ITPK1: variants seen among roughly 807,000 people sequenced by gnomAD.
The protein encoded by ITPK1 is inositol 1,3,4-trisphosphate 5/6-kinase.
ITPK1 carries 21 observed loss-of-function variants against 45.3 expected under a neutral mutation model. The observed-to-expected ratio is 0.46, with a 90% confidence interval of 0.33 to 0.67. The LOEUF (loss-of-function observed/expected upper bound fraction) is 0.67. ITPK1 is among the 30% of genes least tolerant of loss of function. ITPK1 has a pLI of 0.02. For missense variants in ITPK1, 474 were observed against 573.5 expected (o/e 0.83, Z 1.77); for synonymous variants, 258 against 253.6 (o/e 1.02, Z -0.16).
At position 92,940,833 on chromosome 14, in the gene ITPK1, G is replaced by A; in HGVS notation, c.*728C>T. 1.6e-6 allele frequency: 2 copies of A among 1,287,514 alleles called. No individual in the cohort carries two copies. The highest frequency in any genetic ancestry group is 2.0e-6 in the Non-Finnish European group (2 of 988,018). The allele number at this position is 1,287,514 out of a possible 1,614,324, so 79.8% of individuals were successfully genotyped here. A position where few individuals can be genotyped will look rare whatever the true frequency, so the allele number is the denominator to read the frequency against. ...GGCAGCCTCCTTCCCGGGCTCCAGGGAGCAGCAGTGCTGGCTTAGGGGAAG... is the reference window on the plus strand; with the variant it reads ...GGCAGCCTCCTTCCCGGGCTCCAGGAAGCAGCAGTGCTGGCTTAGGGGAAG... On this transcript the variant is annotated 3_prime_UTR_variant, in exon 11 of 11. Coordinates refer to ENST00000267615, the MANE Select transcript of ITPK1 (RefSeq NM_014216.6).
chr14:93,049,394 T>A (rs1889912963), intron 3 of ITPK1, among the ~76,000 whole-genome samples: 1 of 151,992 alleles, frequency 6.6e-6, no homozygotes, highest in South Asian at 2.1e-4. Context: ...TGCCAGCAAG[T>A]GACATCTGGC....
In ITPK1 at chr14:92,940,935, G is replaced by A; in HGVS notation, c.*626C>T. The stretch of plus-strand genomic sequence containing the variant: ...GCCCAGCTTCCTTTCCTTCCCTTTA[G>A]TGAGGGAGCACAGCCCAGACCCCAG... On this transcript the variant is annotated 3_prime_UTR_variant, in exon 11 of 11. Coordinates refer to ENST00000267615, the MANE Select transcript of ITPK1 (RefSeq NM_014216.6). 7.8e-7 allele frequency: 1 copy of A among 1,287,526 alleles called. No individual in the cohort carries two copies. The highest frequency in any genetic ancestry group is 1.0e-6 in the Non-Finnish European group (1 of 988,696). 79.8% of individuals were successfully genotyped at this position (1,287,526 alleles called of 1,614,324 possible). A position where few individuals can be genotyped will look rare whatever the true frequency, so the allele number is the denominator to read the frequency against.
At chr14:93,083,301 A>G (rs1372853491) in intron 2 of ITPK1, among the ~76,000 whole-genome samples, 1 of 152,166 alleles carries the variant, frequency 6.6e-6, no homozygotes, top group Non-Finnish European at 1.5e-5. Flanking sequence ...GACCATGACC[A>G]GCAGCAGGCA....
At position 92,973,069 on chromosome 14, in the gene ITPK1, A is replaced by G. The variant is rs1885739727; in HGVS notation, c.365-10220T>C. 2.6e-5 allele frequency among the ~76,000 whole-genome samples: 4 copies of G among 152,262 alleles called. No individual in the cohort carries two copies. The South Asian group carries it at 8.3e-4, about 32-fold the overall frequency. On this transcript the variant is annotated intron_variant, in intron 5 of 10. Transcript: ENST00000267615. ...AGAGCCCCCAAGAACACGCTGTCCCATGCTGCTGCCTCGAGTGGCATTCAC... is the reference window on the plus strand; with the variant it reads ...AGAGCCCCCAAGAACACGCTGTCCCGTGCTGCTGCCTCGAGTGGCATTCAC...
intron 2 of ITPK1, among the ~76,000 whole-genome samples, chr14:93,111,492 C>A (rs1008030664): frequency 6.6e-6 from 1 of 152,096 alleles, no homozygotes; most frequent in African/African-American, 2.4e-5. Flanking sequence ...AGGCGGATCA[C>A]CTGAGGTCAG....
At position 93,018,544 on chromosome 14, in the gene ITPK1, T is replaced by C. The variant is rs73332167; in HGVS notation, c.121-1743A>G. Among the ~76,000 whole-genome samples the C allele has an allele frequency of 5.1e-3, 779 of 152,054 alleles. 8 individuals carry two copies. The highest frequency in any genetic ancestry group is 0.017 in the Middle Eastern group (5 of 294). The stretch of plus-strand genomic sequence containing the variant: ...ATTTCCCCTATATAGAAAAAAAAAA[T>C]ATCCTTTAGACCTCACAATAAGAAA... On this transcript the variant is annotated intron_variant, in intron 3 of 10. Transcript: ENST00000267615.
rs908258682 is a variant in ITPK1, at chr14:92,936,977, C to T, written c.*4584G>A. ...AAGTTAGGTTTATACTCCACCCCTA[C>T]AGTTACAGAAATAAACACAACATTA... On this transcript the variant is annotated 3_prime_UTR_variant, in exon 11 of 11. Coordinates refer to ENST00000267615, the MANE Select transcript of ITPK1 (RefSeq NM_014216.6). 6.6e-6 allele frequency: 1 copy of T among 152,202 alleles called. No individual in the cohort carries two copies. The highest frequency in any genetic ancestry group is 2.4e-5 in the African/African-American group (1 of 41,432). The allele number at this position is 152,202 out of a possible 1,614,324, so 9.4% of individuals were successfully genotyped here.
intron 7 of ITPK1, among the ~76,000 whole-genome samples, chr14:92,961,390 C>T (rs1046044952): frequency 1.3e-5 from 2 of 152,254 alleles, no homozygotes; most frequent in Non-Finnish European, 2.9e-5. Flanking sequence ...TCCTATGCAT[C>T]TGTCTCCTGG....
At chr14:92,943,941 G>C (rs1887558519) in intron 10 of ITPK1, among the ~76,000 whole-genome samples, 1 of 152,234 alleles carries the variant, frequency 6.6e-6, no homozygotes, top group Non-Finnish European at 1.5e-5. Flanking sequence ...GGGGCTGACA[G>C]TCTGGGCCCC....
At chr14:93,081,152 T>A (rs1165110810) in intron 2 of ITPK1, among the ~76,000 whole-genome samples, 1 of 151,682 alleles carries the variant, frequency 6.6e-6, no homozygotes, top group Non-Finnish European at 1.5e-5. Context: ...CTGGCCAACA[T>A]GGTAAAACCT....
intron 5 of ITPK1, among the ~76,000 whole-genome samples, chr14:92,973,412 C>T (rs1885756814): frequency 6.6e-6 from 1 of 152,242 alleles, no homozygotes; most frequent in Non-Finnish European, 1.5e-5. Flanking sequence ...CGCCTGGCCA[C>T]CCTGTGGCGC....
intron 3 of ITPK1, among the ~76,000 whole-genome samples, chr14:93,067,231 T>C (rs941296808): frequency 3.3e-5 from 5 of 152,120 alleles, no homozygotes; most frequent in African/African-American, 9.7e-5. Flanking sequence ...GCCACGGAAT[T>C]CTTGACATTT....
At chr14:92,966,896 A>C (rs1249127080) in intron 5 of ITPK1, among the ~76,000 whole-genome samples, 1 of 152,270 alleles carries the variant, frequency 6.6e-6, no homozygotes, top group Non-Finnish European at 1.5e-5. Flanking sequence ...ATTCACATGC[A>C]AAAGAATGAA....
chr14:93,005,153 G>A (rs543220450), intron 4 of ITPK1, among the ~76,000 whole-genome samples: 28 of 152,234 alleles, frequency 1.8e-4, no homozygotes, highest in African/African-American at 6.7e-4. Context: ...GGATGGATGC[G>A]GTCTTGGTGG....
chr14:92,953,018 T>C (rs1888032374), intron 8 of ITPK1, among the ~76,000 whole-genome samples: 1 of 152,190 alleles, frequency 6.6e-6, no homozygotes. Flanking sequence ...GGTGAGGCAT[T>C]GTGGCTCCCA....
intron 2 of ITPK1, among the ~76,000 whole-genome samples, chr14:93,114,156 C>G (rs1212357637): frequency 6.6e-6 from 1 of 152,280 alleles, no homozygotes; most frequent in Non-Finnish European, 1.5e-5. Flanking sequence ...GAGCTAGATT[C>G]TCTTAGGCTT....
intron 2 of ITPK1, among the ~76,000 whole-genome samples, chr14:93,080,154 G>GT (rs1247501215): frequency 6.6e-6 from 1 of 152,210 alleles, no homozygotes; most frequent in Non-Finnish European, 1.5e-5. Context: ...AAAACCCTGT[G>GT]TGCTGTAGAT....
At chr14:93,094,800 G>A (rs1227845825) in intron 2 of ITPK1, among the ~76,000 whole-genome samples, 1 of 152,176 alleles carries the variant, frequency 6.6e-6, no homozygotes, top group Non-Finnish European at 1.5e-5. Context: ...GCTTCCTAGA[G>A]GCTCTCAGCC....
At chr14:93,066,462 T>A in intron 3 of ITPK1, 1 of 326,878 alleles carries the variant, frequency 3.1e-6, no homozygotes, top group Non-Finnish European at 6.0e-6. Context: ...TAGAGTTCAG[T>A]GGCGCGATCT....
Sources: gnomAD v4.1 joint callset for allele counts (sites outside exome capture counted in the v4.1 genomes callset) on GRCh38, gnomAD v4.1.1 for gene constraint, MANE v1.5 for transcripts, NCBI Gene and HGNC (gene_info 2026-07-23, HGNC 2026-07-21) for gene names.